The following MTUS1 variants were observed in gnomAD, a reference collection of about 807,000 sequenced individuals.
MTUS1 encodes microtubule associated scaffold protein 1.
In MTUS1, 109 loss-of-function variants were observed where a neutral mutation model predicts 120.8. The ratio of observed to expected loss-of-function variants is 0.90; its 90% CI spans 0.77 to 1.06. MTUS1 has a LOEUF of 1.06. MTUS1 is among the 50% of genes least tolerant of loss of function. MTUS1 has a pLI of 0.00. For synonymous variants in MTUS1, 737 were observed against 550.5 expected (o/e 1.34, Z -4.74); for missense variants, 2,210 against 1,486.3 (o/e 1.49, Z -8.01).
At chr8:17,682,368 A>G (rs1314403377) in intron 7 of MTUS1, among the ~76,000 whole-genome samples, 1 of 151,972 alleles carries the variant, frequency 6.6e-6, no homozygotes, top group Admixed American at 6.5e-5. Flanking sequence ...AATTACAAAA[A>G]CTAGTCGGGC....
chr8:17,676,176 G>T, intron 7 of MTUS1: 1 of 690,586 alleles, frequency 1.4e-6, no homozygotes, highest in Non-Finnish European at 2.6e-6. Flanking sequence ...TTGCAGGCAA[G>T]AGTTGCTTGT....
At chr8:17,679,432 G>A (rs948354815) in intron 7 of MTUS1, among the ~76,000 whole-genome samples, 1 of 151,614 alleles carries the variant, frequency 6.6e-6, no homozygotes, top group South Asian at 2.1e-4. Context: ...AAGGTTAAGG[G>A]AGTTTTTAAA....
At chr8:17,778,740 G>A (rs767560367) in intron 1 of MTUS1, among the ~76,000 whole-genome samples, 2 of 152,064 alleles carry the variant, frequency 1.3e-5, no homozygotes, top group Non-Finnish European at 2.9e-5. Context: ...GCCCTGGAGG[G>A]GGAGGTTGCA....
At chr8:17,791,704 T>C (rs995259334) in intron 1 of MTUS1, among the ~76,000 whole-genome samples, 3 of 152,176 alleles carry the variant, frequency 2.0e-5, no homozygotes, top group South Asian at 4.1e-4. Context: ...TACAAATCAA[T>C]TCCTCCTAAG....
intron 6 of MTUS1, among the ~76,000 whole-genome samples, chr8:17,687,797 T>C (rs1200108221): frequency 2.0e-5 from 3 of 152,194 alleles, no homozygotes; most frequent in Admixed American, 2.0e-4. Flanking sequence ...GCTATCTTTG[T>C]TCTTTCTATT....
At chr8:17,750,484 G>C (rs2048103425) in intron 2 of MTUS1, among the ~76,000 whole-genome samples, 1 of 152,176 alleles carries the variant, frequency 6.6e-6, no homozygotes, top group Non-Finnish European at 1.5e-5. Flanking sequence ...GCCTTTCAGA[G>C]CCAACATTCC....
intron 4 of MTUS1, among the ~76,000 whole-genome samples, chr8:17,717,368 G>T (rs940773071): frequency 6.6e-6 from 1 of 152,156 alleles, no homozygotes; most frequent in African/African-American, 2.4e-5. Context: ...ACATTCAACA[G>T]AACCCTTTTT....
chr8:17,736,505 C>T (rs1473219298), intron 3 of MTUS1, among the ~76,000 whole-genome samples: 3 of 152,320 alleles, frequency 2.0e-5, no homozygotes, highest in Middle Eastern at 3.4e-3. Context: ...GCCCAAATGT[C>T]GCCCTCTCAG....
Position 17,684,398 on chromosome 8 carries a change from T to A in MTUS1, c.2768A>T (p.Lys923Met). 2 of 1,614,240 alleles carry A rather than the reference T, an allele frequency of 1.2e-6. No individual in the cohort carries two copies. The highest frequency in any genetic ancestry group is 1.7e-6 in the Non-Finnish European group (2 of 1,180,034). ...ENQSGFILQLKQLLACGNTKF... is the reference protein window; with the variant it reads ...ENQSGFILQLMQLLACGNTKF... ...GGTATTACCACAGGCAAGAAGCTGC[T>A]TGAGCTGCAGGATAAATCCACTTTG... Residue 923 changes from lysine to methionine, a missense_variant, in exon 7 of 15, where the codon AAG becomes ATG. By Grantham distance (95) the Lys-to-Met change is moderately conservative (BLOSUM62 -1). Coordinates refer to ENST00000693296, the MANE Select transcript of MTUS1 (RefSeq NM_001363059.2).
intron 4 of MTUS1, among the ~76,000 whole-genome samples, chr8:17,718,175 C>T (rs562544398): frequency 6.6e-6 from 1 of 152,304 alleles, no homozygotes; most frequent in Admixed American, 6.5e-5. Context: ...CACCATGAGT[C>T]ATAATGCTCT....
rs1805625036 is a variant in MTUS1, at chr8:17,645,635, G to A, written c.*291C>T. 3.7e-6 allele frequency: 1 copy of A among 268,496 alleles called. No individual in the cohort carries two copies. Among genetic ancestry groups the A allele is most frequent in the African/African-American group, 2.2e-5 (1 of 45,254 alleles). The allele number at this position is 268,496 out of a possible 1,614,324, so 16.6% of individuals were successfully genotyped here. ...TTCCCCCTATGCTTAGGTGAAAAAG[G>A]CAATGAACAAGATGCTCTCGTTCTT... On this transcript the variant is annotated 3_prime_UTR_variant, in exon 15 of 15. Coordinates refer to ENST00000693296, the MANE Select transcript of MTUS1 (RefSeq NM_001363059.2).
rs752851649 is a variant in MTUS1 at position 17,675,220 on chromosome 8, T to C, written c.2871A>G (p.Leu957=). 21 of 1,614,108 alleles carry C rather than the reference T, an allele frequency of 1.3e-5. No homozygotes were observed. Among genetic ancestry groups the C allele is most frequent in the Non-Finnish European group, 1.7e-5 (20 of 1,180,018 alleles). The change falls in exon 8 of 15, where the codon CTA becomes CTG. Residue 957 remains leucine (L), a synonymous_variant. Transcript: ENST00000693296. ...CCCGGAGGTTAACAAGTTCTTGAGATAGGGTTTTGTGTTGTTTCAGTGCTT... is the reference window on the plus strand; with the variant it reads ...CCCGGAGGTTAACAAGTTCTTGAGACAGGGTTTTGTGTTGTTTCAGTGCTT... ...REEALKQHKT[L]SQELVNLRGE...
intron 1 of MTUS1, among the ~76,000 whole-genome samples, chr8:17,764,242 A>G (rs1217043117): frequency 2.0e-5 from 3 of 152,176 alleles, no homozygotes; most frequent in Non-Finnish European, 4.4e-5. Flanking sequence ...AAACTCTATG[A>G]TCTACAAATC....
At chr8:17,738,057 G>T (rs999809705) in intron 3 of MTUS1, among the ~76,000 whole-genome samples, 10 of 152,216 alleles carry the variant, frequency 6.6e-5, no homozygotes, top group African/African-American at 1.7e-4. Flanking sequence ...GCAAGTCACT[G>T]CAAGTTTCGG....
intron 6 of MTUS1, among the ~76,000 whole-genome samples, chr8:17,687,276 A>G (rs913271476): frequency 1.3e-5 from 2 of 152,108 alleles, no homozygotes; most frequent in Non-Finnish European, 2.9e-5. Flanking sequence ...GCAGCCGATG[A>G]CCCAGTTTCC....
intron 2 of MTUS1, among the ~76,000 whole-genome samples, chr8:17,747,101 AC>A: frequency 6.6e-6 from 1 of 152,268 alleles, no homozygotes; most frequent in African/African-American, 2.4e-5. Flanking sequence ...AGGGTTAGAC[AC>A]CTTCTGTCTG....
intron 5 of MTUS1, among the ~76,000 whole-genome samples, chr8:17,714,518 G>C (rs895345340): frequency 6.6e-6 from 1 of 152,302 alleles, no homozygotes; most frequent in East Asian, 1.9e-4. Context: ...GTTCATCTCA[G>C]TATTAATAAA....
intron 14 of MTUS1, 53 bp downstream of exon 14, chr8:17,646,927 CTG>C (rs1563551192): frequency 3.0e-6 from 4 of 1,322,226 alleles, no homozygotes; most frequent in Non-Finnish European, 4.4e-6. Context: ...AGAAAGTACA[CTG>C]GATGTCCAAG....
chr8:17,741,397 G>A (rs1007808854), intron 3 of MTUS1, among the ~76,000 whole-genome samples: 14 of 152,274 alleles, frequency 9.2e-5, no homozygotes, highest in Non-Finnish European at 1.6e-4. Flanking sequence ...AATCCAGAAT[G>A]TTTCCAGTTA....
Sources: allele counts gnomAD v4.1 joint callset (sites outside exome capture counted in the v4.1 genomes callset), GRCh38; gene constraint gnomAD v4.1.1; transcripts MANE v1.5; gene names NCBI Gene and HGNC (gene_info 2026-07-23, HGNC 2026-07-21).